The following MPDZ variants were observed in gnomAD, a reference collection of about 807,000 sequenced individuals.
MPDZ encodes the protein multiple PDZ domain protein.
In MPDZ, 234 loss-of-function variants were observed where a neutral mutation model predicts 239.1. The observed-to-expected ratio is 0.98, with a 90% CI of 0.88 to 1.09. The LOEUF is 1.09. Among genes scored for constraint, MPDZ ranks in the 50% least tolerant of loss-of-function variants. The pLI is 0.00. For missense variants in MPDZ, 3,175 were observed against 2,510.0 expected, an observed-to-expected ratio of 1.26 and a Z score of -5.66; for synonymous variants, 1,048 against 881.3, an observed-to-expected ratio of 1.19 and a Z score of -3.35.
intron 3 of MPDZ, among the ~76,000 whole-genome samples, chr9:13,231,610 T>C (rs1200465415): frequency 6.6e-6 from 1 of 151,666 alleles, no homozygotes; most frequent in Non-Finnish European, 1.5e-5. Context: ...CATGCACTAT[T>C]AAAAATCCCC....
At chr9:13,193,339 C>T in intron 13 of MPDZ, 26 bp from the exon 14 acceptor site, 3 of 1,567,380 alleles carry the variant, frequency 1.9e-6, no homozygotes, top group South Asian at 1.2e-5. Flanking sequence ...AAAAGATCAC[C>T]ACAATTTTTA....
intron 10 of MPDZ, among the ~76,000 whole-genome samples, chr9:13,210,857 G>C (rs1460341701): frequency 6.6e-6 from 1 of 152,124 alleles, no homozygotes; most frequent in East Asian, 1.9e-4. Flanking sequence ...TCTTCCAAGA[G>C]CCCAAGAAGA....
intron 3 of MPDZ, among the ~76,000 whole-genome samples, chr9:13,238,740 T>G (rs978401912): frequency 3.3e-5 from 5 of 152,154 alleles, no homozygotes; most frequent in African/African-American, 1.2e-4. Context: ...TTTCCCAGCT[T>G]ACATATCTGT....
intron 3 of MPDZ, among the ~76,000 whole-genome samples, chr9:13,245,238 T>C (rs750955186): frequency 6.6e-6 from 1 of 151,842 alleles, no homozygotes; most frequent in South Asian, 2.1e-4. Context: ...TAGAAACTAA[T>C]ATAAGTTTTT....
chr9:13,250,503 A>G, intron 1 of MPDZ, 131 bp from the exon 2 acceptor site: 1 of 517,832 alleles, frequency 1.9e-6, no homozygotes, highest in East Asian at 3.0e-5. Flanking sequence ...AACTTAAGAT[A>G]GTTCGCTTTA....
intron 19 of MPDZ, among the ~76,000 whole-genome samples, chr9:13,180,971 C>T (rs1488280566): frequency 2.6e-5 from 4 of 152,270 alleles, no homozygotes; most frequent in East Asian, 1.9e-4. Flanking sequence ...CCCTGAAGAG[C>T]GAGGCCTCCC....
chr9:13,238,589 T>C (rs1375046750), intron 3 of MPDZ, among the ~76,000 whole-genome samples: 2 of 152,162 alleles, frequency 1.3e-5, no homozygotes, highest in Non-Finnish European at 2.9e-5. Context: ...ATTTTCTTGG[T>C]GCAAGATGAC....
At chr9:13,224,640 A>C in intron 3 of MPDZ, 57 bp from the exon 4 acceptor site, 1 of 1,155,692 alleles carries the variant, frequency 8.7e-7, no homozygotes, top group Non-Finnish European at 1.2e-6. Context: ...TATTTCATAG[A>C]AAATATCCCA....
At chr9:13,115,377 A>G in intron 39 of MPDZ, 43 bp from the exon 40 acceptor site, 1 of 1,452,982 alleles carries the variant, frequency 6.9e-7, no homozygotes, top group African/African-American at 1.4e-5. Context: ...ATGTTTAAAT[A>G]AAATGCTATA....
chr9:13,142,532 G>C (rs1472368167), intron 27 of MPDZ, among the ~76,000 whole-genome samples: 1 of 152,006 alleles, frequency 6.6e-6, no homozygotes, highest in Non-Finnish European at 1.5e-5. Context: ...GTGTATACTT[G>C]AGATCACTCC....
chr9:13,272,353 A>G (rs1387744184), intron 1 of MPDZ, among the ~76,000 whole-genome samples: 1 of 152,158 alleles, frequency 6.6e-6, no homozygotes, highest in Non-Finnish European at 1.5e-5. Flanking sequence ...CCTCAGCCAA[A>G]GAGCTAAAAA....
At chr9:13,214,930 T>C (rs1340086777) in intron 10 of MPDZ, among the ~76,000 whole-genome samples, 1 of 151,968 alleles carries the variant, frequency 6.6e-6, no homozygotes, top group African/African-American at 2.4e-5. Flanking sequence ...AGTTATAATG[T>C]GGACTTAAAG....
chr9:13,137,991 T>C lies in MPDZ; in HGVS notation c.4166A>G (p.Asp1389Gly), dbSNP rs770839127. The stretch of plus-strand genomic sequence containing the variant: ...CTCATCTGCAATTTGCAATCGACCA[T>C]CTTTTCCTGCAGCTCCATTTGGATC... ...GIDPNGAAGK[D>G]GRLQIADELL... Residue 1389 changes from aspartate to glycine, a missense_variant, in exon 29 of 47, where the codon GAT (aspartate) becomes GGT (glycine). By Grantham distance (94) the Asp-to-Gly change is moderately conservative. Transcript: ENST00000319217. 3.1e-6 allele frequency: 5 copies of C among 1,613,838 alleles called. No homozygotes were observed. In the East Asian group the frequency reaches 6.7e-5, roughly 22 times the overall value.
chr9:13,122,608 C>T (rs936797104), intron 36 of MPDZ, among the ~76,000 whole-genome samples: 17 of 151,516 alleles, frequency 1.1e-4, no homozygotes, highest in African/African-American at 3.9e-4. Flanking sequence ...GCAACCTCTG[C>T]CTCCCACGTT....
intron 24 of MPDZ, among the ~76,000 whole-genome samples, chr9:13,152,287 C>G (rs1220674348): frequency 6.6e-6 from 1 of 152,062 alleles, no homozygotes; most frequent in Non-Finnish European, 1.5e-5. Flanking sequence ...CCTAACCTCC[C>G]CTGCTGATAT....
intron 1 of MPDZ, among the ~76,000 whole-genome samples, chr9:13,261,978 G>C (rs1321033500): frequency 6.6e-6 from 1 of 151,830 alleles, no homozygotes; most frequent in Non-Finnish European, 1.5e-5. Context: ...CCAGGAGATT[G>C]AGGCTATAGT....
intron 24 of MPDZ, among the ~76,000 whole-genome samples, chr9:13,157,408 T>A (rs191209670): frequency 6.6e-6 from 1 of 152,312 alleles, no homozygotes; most frequent in Non-Finnish European, 1.5e-5. Flanking sequence ...AATCATTGGC[T>A]TTAAGTCTAG....
intron 24 of MPDZ, among the ~76,000 whole-genome samples, chr9:13,154,103 T>C (rs1949532914): frequency 6.6e-6 from 1 of 152,160 alleles, no homozygotes; most frequent in South Asian, 2.1e-4. Flanking sequence ...AATAGCACCT[T>C]TGCTCTCATA....
Position 13,180,547 on chromosome 9 carries a change from A to G in MPDZ, c.2649+2871T>C, listed in dbSNP as rs572738996. 3.3e-5 allele frequency among the ~76,000 whole-genome samples: 5 copies of G among 151,636 alleles called. No homozygotes were observed. In the South Asian group the frequency reaches 1.0e-3, roughly 32 times the overall value. On this transcript the variant is annotated intron_variant, in intron 19 of 46. Transcript: ENST00000319217. ...CATTGTATTTTTAAATCAAAATAGG[A>G]AAAAAAAATGTTCTAAAAACCATGT...
Sources: allele counts gnomAD v4.1 joint callset (sites outside exome capture counted in the v4.1 genomes callset), GRCh38; gene constraint gnomAD v4.1.1; transcripts MANE v1.5; gene names NCBI Gene and HGNC (gene_info 2026-07-23, HGNC 2026-07-21).